SPOCK3: variants seen among roughly 807,000 people sequenced by gnomAD.
SPOCK3 encodes SPARC (osteonectin), cwcv and kazal like domains proteoglycan 3.
SPOCK3 carries 30 observed loss-of-function variants against 56.6 expected under a neutral mutation model. That is an observed-to-expected ratio of 0.53 (90% CI 0.40 to 0.72). The LOEUF is 0.72. Among genes scored for constraint, SPOCK3 ranks in the 30% least tolerant of loss-of-function variants. The probability of loss-of-function intolerance (pLI) is 0.00; values close to 1 mark genes in which losing one functional copy is unlikely to be tolerated. For synonymous variants in SPOCK3, 196 were observed against 183.3 expected, an observed-to-expected ratio of 1.07 and a Z score of -0.56; for missense variants, 527 against 530.0, an observed-to-expected ratio of 0.99 and a Z score of 0.06.
intron 2 of SPOCK3, among the ~76,000 whole-genome samples, chr4:167,071,200 A>T (rs959513603): frequency 2.0e-5 from 3 of 151,996 alleles, no homozygotes; most frequent in African/African-American, 7.2e-5. Flanking sequence ...TCAGAGAAAG[A>T]CACAAAGAAA....
At chr4:167,135,529 T>C (rs953946895) in intron 2 of SPOCK3, among the ~76,000 whole-genome samples, 2 of 152,178 alleles carry the variant, frequency 1.3e-5, no homozygotes, top group African/African-American at 4.8e-5. Context: ...TCACCTGTCT[T>C]AGCAGCCTAT....
intron 3 of SPOCK3, among the ~76,000 whole-genome samples, chr4:167,051,179 A>T (rs1268338170): frequency 6.6e-6 from 1 of 152,212 alleles, no homozygotes; most frequent in Non-Finnish European, 1.5e-5. Context: ...ATTAAATCAA[A>T]ACATTCAGGG....
chr4:167,149,500 A>C (rs13137938), intron 2 of SPOCK3, among the ~76,000 whole-genome samples: 3,300 of 152,236 alleles, frequency 0.022, 75 homozygotes, highest in Middle Eastern at 0.068. Context: ...CCTGGGCTAC[A>C]ATTATGCTTT....
intron 4 of SPOCK3, among the ~76,000 whole-genome samples, chr4:166,982,565 T>C (rs79812627): frequency 0.084 from 12,783 of 151,798 alleles, 789 homozygotes; most frequent in Admixed American, 0.22. Flanking sequence ...AATAAATAAA[T>C]CAAATAAATA....
At chr4:167,168,856 G>A (rs1160903593) in intron 2 of SPOCK3, among the ~76,000 whole-genome samples, 1 of 152,042 alleles carries the variant, frequency 6.6e-6, no homozygotes, top group Non-Finnish European at 1.5e-5. Flanking sequence ...ATGGTCTTGT[G>A]GGGCAGGCAC....
chr4:167,034,643 C>A (rs1250982487), intron 3 of SPOCK3, among the ~76,000 whole-genome samples: 4 of 152,042 alleles, frequency 2.6e-5, no homozygotes, highest in Admixed American at 6.6e-5. Context: ...AACTTTTAAT[C>A]CAGATAAAAT....
intron 2 of SPOCK3, among the ~76,000 whole-genome samples, chr4:167,104,744 A>G (rs1759946457): frequency 6.6e-6 from 1 of 152,058 alleles, no homozygotes; most frequent in African/African-American, 2.4e-5. Flanking sequence ...AGAAGGTTAT[A>G]GAACACCAAG....
At chr4:166,825,670 T>A (rs1222006259) in intron 6 of SPOCK3, among the ~76,000 whole-genome samples, 2 of 152,108 alleles carry the variant, frequency 1.3e-5, no homozygotes, top group East Asian at 3.9e-4. Flanking sequence ...ATATTCAGGA[T>A]GGAATATACC....
rs2126327120 is a variant in SPOCK3, at chr4:166,734,065, G to T, written c.*856C>A. 6.6e-6 allele frequency: 1 copy of T among 152,108 alleles called. No homozygotes were observed. The highest frequency in any genetic ancestry group is 2.1e-4 in the South Asian group (1 of 4,818). The allele number at this position is 152,108 out of a possible 1,614,324, so 9.4% of individuals were successfully genotyped here. A position where few individuals can be genotyped will look rare whatever the true frequency, so the allele number is the denominator to read the frequency against. On this transcript the variant is annotated 3_prime_UTR_variant, in exon 11 of 11. Coordinates refer to ENST00000357545, the MANE Select transcript of SPOCK3 (RefSeq NM_001040159.2). ...AATGAAAATTAAGAATTTAAAATTTGACCTTGGGGCAAATGACAAACTTTG... is the reference window on the plus strand; with the variant it reads ...AATGAAAATTAAGAATTTAAAATTTTACCTTGGGGCAAATGACAAACTTTG...
At chr4:166,770,130 C>T (rs898435966) in intron 7 of SPOCK3, among the ~76,000 whole-genome samples, 2 of 152,182 alleles carry the variant, frequency 1.3e-5, no homozygotes, top group East Asian at 1.9e-4. Context: ...ACCCCTTGAG[C>T]TTCCCTGGTG....
At chr4:167,012,109 A>T (rs1283844810) in intron 3 of SPOCK3, among the ~76,000 whole-genome samples, 1 of 151,956 alleles carries the variant, frequency 6.6e-6, no homozygotes, top group Non-Finnish European at 1.5e-5. Context: ...TTTTTCCAGT[A>T]ATGTTTTGGG....
chr4:167,003,534 TCCTCTG>T (rs1183966087), intron 3 of SPOCK3, among the ~76,000 whole-genome samples: 1 of 152,204 alleles, frequency 6.6e-6, no homozygotes, highest in Non-Finnish European at 1.5e-5. Context: ...TTAGAATCAA[TCCTCTG>T]CCTTAAAGGG....
intron 3 of SPOCK3, among the ~76,000 whole-genome samples, chr4:167,039,129 C>T (rs907448641): frequency 2.0e-5 from 3 of 152,126 alleles, no homozygotes; most frequent in Non-Finnish European, 2.9e-5. Context: ...TCTCAGCAAT[C>T]GTTGGTGTTC....
At chr4:167,066,082 G>A (rs111615261) in intron 2 of SPOCK3, among the ~76,000 whole-genome samples, 248 of 151,942 alleles carry the variant, frequency 1.6e-3, no homozygotes, top group African/African-American at 5.7e-3. Context: ...ACAAAATAAA[G>A]TCTACATAAA....
chr4:166,990,051 G>C (rs575406563), intron 4 of SPOCK3, among the ~76,000 whole-genome samples: 1 of 152,242 alleles, frequency 6.6e-6, no homozygotes, highest in South Asian at 2.1e-4. Context: ...TGACAAGCAA[G>C]AAGTAATCCC....
chr4:167,207,773 T>C (rs1734493607), intron 2 of SPOCK3, among the ~76,000 whole-genome samples: 1 of 152,072 alleles, frequency 6.6e-6, no homozygotes, highest in African/African-American at 2.4e-5. Flanking sequence ...TAATGCTAAA[T>C]GACGAGTTAA....
intron 6 of SPOCK3, among the ~76,000 whole-genome samples, chr4:166,842,327 T>C (rs564524976): frequency 4.3e-4 from 66 of 152,356 alleles, no homozygotes; most frequent in African/African-American, 9.4e-4. Context: ...TACAGAGAGC[T>C]GATTGGTCCA....
At chr4:166,951,889 A>G (rs1257985296) in intron 4 of SPOCK3, among the ~76,000 whole-genome samples, 4 of 152,212 alleles carry the variant, frequency 2.6e-5, no homozygotes, top group Non-Finnish European at 5.9e-5. Flanking sequence ...ACAACACTTG[A>G]TGCTAAAAAC....
chr4:166,764,898 G>T (rs1737771972), intron 7 of SPOCK3, among the ~76,000 whole-genome samples: 1 of 151,498 alleles, frequency 6.6e-6, no homozygotes, highest in South Asian at 2.1e-4. Flanking sequence ...GGTGTGAGAT[G>T]GTATCTCATT....
Sources: gnomAD v4.1 joint callset for allele counts (sites outside exome capture counted in the v4.1 genomes callset) on GRCh38, gnomAD v4.1.1 for gene constraint, MANE v1.5 for transcripts, NCBI Gene and HGNC (gene_info 2026-07-23, HGNC 2026-07-21) for gene names.